CTNND2: variants seen among roughly 807,000 people sequenced by gnomAD.
CTNND2 encodes the protein catenin delta-2.
In CTNND2, 22 loss-of-function variants were observed where a neutral mutation model predicts 144.4. That is an observed-to-expected ratio of 0.15 (90% CI 0.11 to 0.22). The LOEUF (loss-of-function observed/expected upper bound fraction) is 0.22. CTNND2 is among the 10% of genes least tolerant of loss of function. CTNND2 has a pLI of 1.00. For missense variants in CTNND2, 1,353 were observed against 1,618.8 expected (o/e 0.84, Z 2.82); for synonymous variants, 751 against 695.6 (o/e 1.08, Z -1.25).
chr5:11,856,997 T>C (rs886224880), intron 1 of CTNND2, among the ~76,000 whole-genome samples: 26 of 152,320 alleles, frequency 1.7e-4, no homozygotes, highest in African/African-American at 6.3e-4. Context: ...TGCAGACATA[T>C]GAATGTCCAA....
At chr5:11,733,017 T>A (rs61763015) in intron 1 of CTNND2, among the ~76,000 whole-genome samples, 1 of 152,176 alleles carries the variant, frequency 6.6e-6, no homozygotes, top group East Asian at 1.9e-4. Flanking sequence ...AAGTGGCACA[T>A]CGGGAGGGCT....
At chr5:11,874,843 A>G (rs1289870061) in intron 1 of CTNND2, among the ~76,000 whole-genome samples, 2 of 152,204 alleles carry the variant, frequency 1.3e-5, no homozygotes, top group African/African-American at 2.4e-5. Flanking sequence ...ACAATCCCTT[A>G]CCCAGATAGC....
chr5:11,827,629 A>C (rs1379534186), intron 1 of CTNND2, among the ~76,000 whole-genome samples: 1 of 152,208 alleles, frequency 6.6e-6, no homozygotes, highest in Non-Finnish European at 1.5e-5. Flanking sequence ...AAAGACATTA[A>C]AAGGAAAATA....
At chr5:11,045,300 C>G (rs1354275376) in intron 16 of CTNND2, among the ~76,000 whole-genome samples, 1 of 152,104 alleles carries the variant, frequency 6.6e-6, no homozygotes, top group Non-Finnish European at 1.5e-5. Flanking sequence ...CAGAAAGCTT[C>G]CACCCACAGC....
At chr5:11,418,565 T>C (rs1256073169) in intron 3 of CTNND2, among the ~76,000 whole-genome samples, 2 of 152,216 alleles carry the variant, frequency 1.3e-5, no homozygotes, top group East Asian at 3.8e-4. Context: ...AAGAAGTTTA[T>C]GGTAATAAAG....
intron 11 of CTNND2, among the ~76,000 whole-genome samples, chr5:11,160,607 A>C (rs1225801123): frequency 6.6e-6 from 1 of 152,252 alleles, no homozygotes; most frequent in Non-Finnish European, 1.5e-5. Context: ...ACATAAAGAA[A>C]AAAAGGAACA....
intron 12 of CTNND2, among the ~76,000 whole-genome samples, chr5:11,151,745 G>A (rs1320768191): frequency 5.3e-5 from 8 of 152,130 alleles, no homozygotes; most frequent in Non-Finnish European, 1.0e-4. Context: ...AACTTTAAAA[G>A]GGAATAGCAT....
intron 9 of CTNND2, among the ~76,000 whole-genome samples, chr5:11,340,887 G>C (rs1754196212): frequency 6.6e-6 from 1 of 152,160 alleles, no homozygotes; most frequent in African/African-American, 2.4e-5. Flanking sequence ...GATTAAATTA[G>C]ATAACGAATA....
chr5:11,888,558 G>A (rs77918289), intron 1 of CTNND2, among the ~76,000 whole-genome samples: 8 of 152,270 alleles, frequency 5.3e-5, no homozygotes, highest in African/African-American at 1.9e-4. Flanking sequence ...TCAGGGGGAA[G>A]AAAGGAATAC....
At chr5:11,443,456 G>A (rs1375149086) in intron 3 of CTNND2, among the ~76,000 whole-genome samples, 1 of 149,800 alleles carries the variant, frequency 6.7e-6, no homozygotes, top group African/African-American at 2.5e-5. Flanking sequence ...GTATGTCTGT[G>A]CGGTGTGTGT....
chr5:11,894,643 C>T (rs1322256360), intron 1 of CTNND2, among the ~76,000 whole-genome samples: 3 of 152,174 alleles, frequency 2.0e-5, no homozygotes, highest in African/African-American at 4.8e-5. Context: ...GATTAAGCTT[C>T]CCAAAGCATT....
intron 3 of CTNND2, among the ~76,000 whole-genome samples, chr5:11,421,526 T>C (rs1443210098): frequency 6.6e-6 from 1 of 152,234 alleles, no homozygotes; most frequent in Non-Finnish European, 1.5e-5. Context: ...TATGGCTTAT[T>C]GACTATGGCT....
At chr5:11,819,581 G>A (rs892820641) in intron 1 of CTNND2, among the ~76,000 whole-genome samples, 2 of 152,218 alleles carry the variant, frequency 1.3e-5, no homozygotes, top group African/African-American at 2.4e-5. Context: ...CTCAGTAGCT[G>A]TGACAGCAGC....
intron 9 of CTNND2, among the ~76,000 whole-genome samples, chr5:11,308,051 C>T (rs192376630): frequency 4.5e-4 from 68 of 152,316 alleles, no homozygotes; most frequent in African/African-American, 1.4e-3. Context: ...ACACAACGAA[C>T]GTGCTGCTGT....
At chr5:10,992,463 T>C (rs1738791503) in intron 19 of CTNND2, 88 bp downstream of exon 19, 9 of 1,576,468 alleles carry the variant, frequency 5.7e-6, no homozygotes, top group Non-Finnish European at 7.8e-6. Flanking sequence ...GGCTCTCCTC[T>C]GAGTACGGGT....
At chr5:11,324,875 A>C (rs1580908829) in intron 9 of CTNND2, among the ~76,000 whole-genome samples, 1 of 152,218 alleles carries the variant, frequency 6.6e-6, no homozygotes, top group South Asian at 2.1e-4. Flanking sequence ...GAAATTTACT[A>C]AGAACTGAGT....
intron 5 of CTNND2, among the ~76,000 whole-genome samples, chr5:11,400,944 A>T (rs1017750528): frequency 1.3e-5 from 2 of 152,200 alleles, no homozygotes; most frequent in Non-Finnish European, 2.9e-5. Context: ...TCATATATAC[A>T]TGTCAGCAGT....
chr5:11,420,102 T>C (rs529452197), intron 3 of CTNND2, among the ~76,000 whole-genome samples: 1 of 152,188 alleles, frequency 6.6e-6, no homozygotes, highest in East Asian at 1.9e-4. Context: ...AGGCGGGCGA[T>C]CACAAGATCA....
chr5:11,310,639 C>A (rs1215500036), intron 9 of CTNND2, among the ~76,000 whole-genome samples: 1 of 151,784 alleles, frequency 6.6e-6, no homozygotes, highest in Non-Finnish European at 1.5e-5. Flanking sequence ...CCCGAGGACC[C>A]GGATTTACCG....
Sources: gnomAD v4.1 joint callset for allele counts (sites outside exome capture counted in the v4.1 genomes callset) on GRCh38, gnomAD v4.1.1 for gene constraint, MANE v1.5 for transcripts, NCBI Gene and HGNC (gene_info 2026-07-23, HGNC 2026-07-21) for gene names.